Variants in KAZN observed in about 807,000 individuals in gnomAD.
KAZN encodes the protein kazrin, periplakin interacting protein, also known as kazrin.
KAZN carries 40 observed loss-of-function variants against 87.4 expected under a neutral mutation model. The ratio of observed to expected loss-of-function variants is 0.46; its 90% CI spans 0.36 to 0.60. The LOEUF is 0.60. KAZN is among the 20% of genes least tolerant of loss of function. The pLI is 0.00. For synonymous variants in KAZN, 466 were observed against 458.3 expected, an observed-to-expected ratio of 1.02 and a Z score of -0.22; for missense variants, 898 against 1,073.9, an observed-to-expected ratio of 0.84 and a Z score of 2.29.
At chr1:14,859,328 T>C (rs1650563522) in intron 1 of KAZN, among the ~76,000 whole-genome samples, 1 of 151,974 alleles carries the variant, frequency 6.6e-6, no homozygotes, top group Non-Finnish European at 1.5e-5. Flanking sequence ...GTGCAAGAAG[T>C]ATTTTGCCCT....
At chr1:14,982,336 G>A (rs1666331264) in intron 2 of KAZN, among the ~76,000 whole-genome samples, 1 of 152,104 alleles carries the variant, frequency 6.6e-6, no homozygotes, top group Non-Finnish European at 1.5e-5. Context: ...ATGTGGGCGG[G>A]CTTGGGCATG....
intron 1 of KAZN, among the ~76,000 whole-genome samples, chr1:14,039,063 C>T (rs910480109): frequency 4.0e-5 from 6 of 151,738 alleles, no homozygotes; most frequent in East Asian, 1.9e-4. Context: ...CCCAGCTACT[C>T]GGGAGGCTAA....
chr1:13,917,579 TG>T (rs1639900345), intron 1 of KAZN, among the ~76,000 whole-genome samples: 2 of 152,218 alleles, frequency 1.3e-5, no homozygotes, highest in African/African-American at 4.8e-5. Context: ...GAGGATCACT[TG>T]AGCCCAGGAG....
chr1:14,410,252 T>C (rs1051030608), intron 2 of KAZN, among the ~76,000 whole-genome samples: 1 of 152,162 alleles, frequency 6.6e-6, no homozygotes, highest in Admixed American at 6.5e-5. Flanking sequence ...TACAGGCACA[T>C]GCCACGATGC....
chr1:14,091,109 CAAA>C (rs779056126), intron 1 of KAZN, among the ~76,000 whole-genome samples: 42 of 51,942 alleles, frequency 8.1e-4, no homozygotes, highest in African/African-American at 2.7e-3. Context: ...GAGACTCTGT[CAAA>C]AAAAAAAAAA....
intron 2 of KAZN, among the ~76,000 whole-genome samples, chr1:14,558,171 C>T (rs183164891): frequency 1.3e-5 from 2 of 152,356 alleles, no homozygotes; most frequent in Non-Finnish European, 2.9e-5. Context: ...GGCCCAGCTC[C>T]TCTCTTTGAA....
chr1:14,212,140 C>T (rs1263996655), intron 2 of KAZN, among the ~76,000 whole-genome samples: 1 of 152,182 alleles, frequency 6.6e-6, no homozygotes, highest in African/African-American at 2.4e-5. Flanking sequence ...AGAACCATGG[C>T]CATCCCCCTT....
chr1:14,035,205 G>A (rs1032735775), intron 1 of KAZN, among the ~76,000 whole-genome samples: 1 of 152,158 alleles, frequency 6.6e-6, no homozygotes, highest in African/African-American at 2.4e-5. Context: ...ACAATGTGAC[G>A]GGGAGATCCG....
chr1:14,798,968 G>A (rs919827532), intron 1 of KAZN, among the ~76,000 whole-genome samples: 3 of 151,960 alleles, frequency 2.0e-5, no homozygotes, highest in African/African-American at 7.3e-5. Context: ...ATAGAAATGG[G>A]GTTTTGCCAG....
chr1:14,645,508 T>A (rs1331640915), intron 1 of KAZN, among the ~76,000 whole-genome samples: 1 of 152,204 alleles, frequency 6.6e-6, no homozygotes, highest in African/African-American at 2.4e-5. Context: ...ATTCTAGAGA[T>A]CTGTCACCTC....
chr1:15,003,718 T>C (rs1668731152), intron 2 of KAZN, among the ~76,000 whole-genome samples: 1 of 152,066 alleles, frequency 6.6e-6, no homozygotes. Context: ...GTCATCAGCT[T>C]ACCCATTCCT....
At chr1:14,764,370 C>T (rs1043082435) in intron 1 of KAZN, among the ~76,000 whole-genome samples, 5 of 126,910 alleles carry the variant, frequency 3.9e-5, no homozygotes, top group African/African-American at 1.2e-4. Context: ...AAACCACTCC[C>T]GACCCCCTCC....
intron 1 of KAZN, among the ~76,000 whole-genome samples, chr1:13,894,955 T>C (rs944405953): frequency 2.6e-5 from 4 of 152,204 alleles, no homozygotes; most frequent in Admixed American, 6.5e-5. Flanking sequence ...GGTCCCAGTT[T>C]CACTTATTAA....
chr1:14,422,290 C>T (rs544353486), intron 2 of KAZN, among the ~76,000 whole-genome samples: 37 of 152,322 alleles, frequency 2.4e-4, no homozygotes, highest in African/African-American at 8.7e-4. Flanking sequence ...CAGCTATCTG[C>T]CCTAAAAACA....
At chr1:13,934,650 TTC>T (rs1226533914) in intron 1 of KAZN, among the ~76,000 whole-genome samples, 2 of 152,222 alleles carry the variant, frequency 1.3e-5, no homozygotes, top group Non-Finnish European at 2.9e-5. Flanking sequence ...TGTTTGCTGT[TTC>T]TCTCTTTCTC....
chr1:14,987,153 G>A (rs1393498027), intron 2 of KAZN, among the ~76,000 whole-genome samples: 3 of 152,146 alleles, frequency 2.0e-5, no homozygotes, highest in Non-Finnish European at 4.4e-5. Flanking sequence ...ATTCAAATGG[G>A]AAGGCGCAGA....
intron 1 of KAZN, among the ~76,000 whole-genome samples, chr1:13,905,497 G>A (rs1203706): frequency 0.76 from 114,943 of 152,124 alleles, 44,037 homozygotes; most frequent in East Asian, 0.9. Context: ...TCAGACTGAG[G>A]CAGACAAGCT....
chr1:14,876,754 T>G (rs1276463727), intron 1 of KAZN, among the ~76,000 whole-genome samples: 1 of 152,218 alleles, frequency 6.6e-6, no homozygotes, highest in Admixed American at 6.5e-5. Flanking sequence ...GTGATGCCTG[T>G]CACACAGAGC....
chr1:14,509,667 T>A lies in KAZN; in HGVS notation c.250-89316T>A, dbSNP rs535758848. Among the ~76,000 whole-genome samples the A allele has an allele frequency of 2.6e-5, 4 of 152,316 alleles. No individual in the cohort carries two copies. In the East Asian group the frequency reaches 7.7e-4, roughly 29 times the overall value. ...CACACGCCAGGCCTGTGTCTGACACTGGAGATACAGCAGTAAACAAGACAG... is the reference window on the plus strand; with the variant it reads ...CACACGCCAGGCCTGTGTCTGACACAGGAGATACAGCAGTAAACAAGACAG... On this transcript the variant is annotated intron_variant, in intron 2 of 16. Transcript: ENST00000636203.
Sources: allele counts gnomAD v4.1 joint callset (sites outside exome capture counted in the v4.1 genomes callset), GRCh38; gene constraint gnomAD v4.1.1; transcripts MANE v1.5; gene names NCBI Gene and HGNC (gene_info 2026-07-23, HGNC 2026-07-21).